The following HMG20A variants were observed in gnomAD, a reference collection of about 807,000 sequenced individuals.
The protein encoded by HMG20A is high mobility group 20A, also known as high mobility group protein 20A.
In HMG20A, 17 loss-of-function variants were observed where a neutral mutation model predicts 43.9. The observed-to-expected ratio is 0.39, with a 90% CI of 0.27 to 0.58. The LOEUF (loss-of-function observed/expected upper bound fraction) is 0.58. Ranked by LOEUF, HMG20A falls within the 20% of genes least tolerant of loss-of-function variation. The pLI is 0.59. For missense variants in HMG20A, 341 were observed against 438.2 expected, an observed-to-expected ratio of 0.78 and a Z score of 1.98; for synonymous variants, 132 against 147.5, an observed-to-expected ratio of 0.89 and a Z score of 0.76.
chr15:77,428,430 TA>T, intron 1 of HMG20A, among the ~76,000 whole-genome samples: 1 of 152,282 alleles, frequency 6.6e-6, no homozygotes, highest in East Asian at 1.9e-4. Context: ...ATAAGATTCT[TA>T]ACAGGATATT....
chr15:77,450,445 G>A (rs974710238), intron 1 of HMG20A, among the ~76,000 whole-genome samples: 1 of 152,138 alleles, frequency 6.6e-6, no homozygotes, highest in Non-Finnish European at 1.5e-5. Flanking sequence ...TTTATTTTGT[G>A]TATGAAACAA....
intron 6 of HMG20A, among the ~76,000 whole-genome samples, chr15:77,472,579 T>C (rs1360635265): frequency 6.6e-6 from 1 of 152,214 alleles, no homozygotes; most frequent in East Asian, 1.9e-4. Context: ...CGGCCCAGTA[T>C]CTCAGTTCTC....
At chr15:77,452,874 A>G (rs536913697) in intron 1 of HMG20A, among the ~76,000 whole-genome samples, 192 of 152,370 alleles carry the variant, frequency 1.3e-3, no homozygotes, top group Non-Finnish European at 2.4e-3. Context: ...AGTATCTACA[A>G]TATAAAAAGA....
chr15:77,493,092 T>C, the HMG20A span, among the ~76,000 whole-genome samples: 1 of 152,150 alleles, frequency 6.6e-6, no homozygotes, highest in South Asian at 2.1e-4. Context: ...AATAGGAATA[T>C]AGCAAAACAG....
intron 1 of HMG20A, among the ~76,000 whole-genome samples, chr15:77,434,832 C>T (rs181239192): frequency 2.0e-5 from 3 of 152,104 alleles, no homozygotes; most frequent in South Asian, 2.1e-4. Context: ...ACAATTTGGC[C>T]GTATATTCCA....
the HMG20A span, among the ~76,000 whole-genome samples, chr15:77,519,019 T>C: frequency 1.3e-5 from 2 of 152,180 alleles, no homozygotes; most frequent in African/African-American, 2.4e-5. Context: ...AGGCAATGTC[T>C]ATACCCCATT....
chr15:77,503,857 G>A, the HMG20A span, among the ~76,000 whole-genome samples: 5 of 152,040 alleles, frequency 3.3e-5, no homozygotes, highest in South Asian at 4.1e-4. Flanking sequence ...GTATGCTCCC[G>A]GTCTCTGGAT....
chr15:77,424,992 AT>A, intron 1 of HMG20A, among the ~76,000 whole-genome samples: 2 of 151,144 alleles, frequency 1.3e-5, no homozygotes, highest in South Asian at 4.2e-4. Context: ...CAGCATTAAT[AT>A]TTTTTTTTGC....
chr15:77,458,522 A>C, intron 2 of HMG20A, 26 bp downstream of exon 2: 2 of 1,474,896 alleles, frequency 1.4e-6, no homozygotes, highest in Non-Finnish European at 9.5e-7. Context: ...AGGACACTGG[A>C]CTTCTCCATA....
the HMG20A span, among the ~76,000 whole-genome samples, chr15:77,517,924 A>G: frequency 6.6e-6 from 1 of 152,152 alleles, no homozygotes; most frequent in Non-Finnish European, 1.5e-5. Context: ...AATGGGGAGA[A>G]TGCCTTCCTA....
At chr15:77,492,047 A>G in the HMG20A span, among the ~76,000 whole-genome samples, 2 of 152,266 alleles carry the variant, frequency 1.3e-5, no homozygotes, top group Non-Finnish European at 2.9e-5. Context: ...TGCTTTGGCA[A>G]TCTGGTAAAG....
At chr15:77,516,036 G>A in the HMG20A span, among the ~76,000 whole-genome samples, 1 of 152,302 alleles carries the variant, frequency 6.6e-6, no homozygotes, top group East Asian at 1.9e-4. Flanking sequence ...TCAAGGAGGA[G>A]GTGGTCTCAC....
chr15:77,509,555 C>CGTGTGTGT, the HMG20A span, among the ~76,000 whole-genome samples: 6 of 115,470 alleles, frequency 5.2e-5, no homozygotes, highest in African/African-American at 1.7e-4. Flanking sequence ...TGTGCCCAGC[C>CGTGTGTGT]GTGTGTGTGT....
intron 1 of HMG20A, among the ~76,000 whole-genome samples, chr15:77,452,949 G>C (rs1255095040): frequency 6.6e-6 from 1 of 150,672 alleles, no homozygotes; most frequent in Non-Finnish European, 1.5e-5. Context: ...AAAGGAGGCT[G>C]AGTGTGGTGG....
the HMG20A span, among the ~76,000 whole-genome samples, chr15:77,506,073 CAAAA>C: frequency 1.4e-4 from 10 of 69,710 alleles, no homozygotes; most frequent in South Asian, 4.9e-4. Flanking sequence ...GTAGAGTTAG[CAAAA>C]AAAAAAAAAA....
chr15:77,451,108 T>C (rs1213637138), intron 1 of HMG20A, among the ~76,000 whole-genome samples: 2 of 152,226 alleles, frequency 1.3e-5, no homozygotes, highest in Non-Finnish European at 2.9e-5. Context: ...CATATCTTTT[T>C]AGCAGTGAAT....
the HMG20A span, among the ~76,000 whole-genome samples, chr15:77,519,928 C>CGGT: frequency 6.6e-6 from 1 of 152,078 alleles, no homozygotes; most frequent in Admixed American, 6.6e-5. Context: ...GGGCCAGGCA[C>CGGT]GGTGGCTCAT....
downstream of HMG20A, among the ~76,000 whole-genome samples, chr15:77,487,309 G>A (rs141862870): frequency 1.7e-3 from 254 of 152,292 alleles, 8 homozygotes; most frequent in East Asian, 0.043. Context: ...AGGAGAAAAT[G>A]AATATAGAGT....
the HMG20A span, among the ~76,000 whole-genome samples, chr15:77,507,678 G>A: frequency 6.6e-6 from 1 of 152,184 alleles, no homozygotes; most frequent in Non-Finnish European, 1.5e-5. Flanking sequence ...CAAGCGGGCA[G>A]GGGCAGTTTT....
Sources: gnomAD v4.1 joint callset for allele counts (sites outside exome capture counted in the v4.1 genomes callset) on GRCh38, gnomAD v4.1.1 for gene constraint, MANE v1.5 for transcripts, NCBI Gene and HGNC (gene_info 2026-07-23, HGNC 2026-07-21) for gene names.